Variants in ZNF532 observed in about 807,000 individuals in gnomAD.
ZNF532 encodes the protein zinc finger protein 532.
A neutral mutation model predicts 89.3 loss-of-function variants in ZNF532; 22 were observed. The ratio of observed to expected loss-of-function variants is 0.25; its 90% confidence interval spans 0.18 to 0.35. ZNF532 has a LOEUF of 0.35. ZNF532 is among the 10% of genes least tolerant of loss of function. The pLI is 1.00. For synonymous variants in ZNF532, 606 were observed against 649.6 expected (o/e 0.93, Z 1.02); for missense variants, 1,132 against 1,643.4 (o/e 0.69, Z 5.38).
chr18:58,948,254 T>G, intron 6 of ZNF532, 25 bp downstream of exon 6: 2 of 1,578,662 alleles, frequency 1.3e-6, no homozygotes, highest in Non-Finnish European at 1.7e-6. Flanking sequence ...ATCCTCTACT[T>G]TAAATGAATT....
At position 58,985,347 on chromosome 18, in the gene ZNF532, T is replaced by TTAAC. The variant is rs4058073; in HGVS notation, c.*888_*891dup. 13 of 152,668 alleles carry TTAAC rather than the reference T, an allele frequency of 8.5e-5. No homozygotes were observed. Among genetic ancestry groups the TTAAC allele is most frequent in the South Asian group, 4.1e-4 (2 of 4,834 alleles). The allele number at this position is 152,668 out of a possible 1,614,324, so 9.5% of individuals were successfully genotyped here. On this transcript the variant is annotated 3_prime_UTR_variant, in exon 10 of 10. Transcript: ENST00000591808. ...AGTCAGGTTTTTGTCATGTAATTTA[T>TTAAC]TAACTAACTATTACAGAAACACAGC...
intron 2 of ZNF532, among the ~76,000 whole-genome samples, chr18:58,917,667 G>A (rs374740828): frequency 5.3e-5 from 8 of 150,974 alleles, no homozygotes; most frequent in African/African-American, 1.7e-4. Context: ...GGGAAAATTA[G>A]GGTTAAATAA....
chr18:58,876,695 A>G (rs1568218094), intron 2 of ZNF532, among the ~76,000 whole-genome samples: 1 of 152,208 alleles, frequency 6.6e-6, no homozygotes, highest in East Asian at 1.9e-4. Flanking sequence ...TTGTGATTGC[A>G]TCCAGGAGAT....
At chr18:58,905,259 T>C (rs1461510128) in intron 2 of ZNF532, among the ~76,000 whole-genome samples, 2 of 152,222 alleles carry the variant, frequency 1.3e-5, no homozygotes, top group Non-Finnish European at 2.9e-5. Context: ...TATCCAGAGC[T>C]GTTAAACACT....
chr18:58,873,592 G>T (rs1209615311), intron 2 of ZNF532, among the ~76,000 whole-genome samples: 1 of 152,050 alleles, frequency 6.6e-6, no homozygotes, highest in East Asian at 1.9e-4. Context: ...GGTATTAAAG[G>T]CGCCTGCCAC....
intron 2 of ZNF532, among the ~76,000 whole-genome samples, chr18:58,873,829 A>G (rs1200053980): frequency 6.6e-6 from 1 of 152,108 alleles, no homozygotes; most frequent in East Asian, 1.9e-4. Context: ...GGCCACGGAG[A>G]TTTTCACTTG....
chr18:58,983,821 G>C (rs1380544419), intron 9 of ZNF532, 151 bp from the exon 10 acceptor site: 2 of 893,078 alleles, frequency 2.2e-6, no homozygotes, highest in Non-Finnish European at 1.7e-6. Context: ...TGGGCCTCCG[G>C]GTGGGGTGGC....
At chr18:58,910,774 C>G (rs1036171846) in intron 2 of ZNF532, among the ~76,000 whole-genome samples, 4 of 152,114 alleles carry the variant, frequency 2.6e-5, no homozygotes, top group Non-Finnish European at 5.9e-5. Context: ...CGCACCTGGC[C>G]TGAAATTCTC....
At chr18:58,939,273 A>C (rs1006112274) in intron 4 of ZNF532, among the ~76,000 whole-genome samples, 172 bp from the exon 5 acceptor site, 1 of 150,116 alleles carries the variant, frequency 6.7e-6, no homozygotes, top group East Asian at 1.9e-4. Context: ...AAAAAAAAAA[A>C]AACCCATAAA....
intron 7 of ZNF532, among the ~76,000 whole-genome samples, chr18:58,960,202 C>G (rs890856708): frequency 2.0e-5 from 3 of 152,074 alleles, no homozygotes; most frequent in Non-Finnish European, 4.4e-5. Context: ...AGCCACTGCG[C>G]CTGGCCTGCT....
chr18:58,906,406 G>A (rs2059938380), intron 2 of ZNF532, among the ~76,000 whole-genome samples: 1 of 152,062 alleles, frequency 6.6e-6, no homozygotes, highest in Non-Finnish European at 1.5e-5. Context: ...CCTTTGACAC[G>A]CCCCATCAGT....
intron 2 of ZNF532, among the ~76,000 whole-genome samples, chr18:58,868,546 T>C (rs2056689112): frequency 6.6e-6 from 1 of 152,194 alleles, no homozygotes; most frequent in African/African-American, 2.4e-5. Flanking sequence ...TCCTAGAGTT[T>C]GGGCTTTCTA....
intron 2 of ZNF532, among the ~76,000 whole-genome samples, chr18:58,898,522 C>T: frequency 6.6e-6 from 1 of 152,228 alleles, no homozygotes; most frequent in Non-Finnish European, 1.5e-5. Flanking sequence ...AGCCTACTCT[C>T]CCTGAAGACC....
At chr18:58,946,254 A>G (rs890652278) in intron 5 of ZNF532, among the ~76,000 whole-genome samples, 2 of 150,062 alleles carry the variant, frequency 1.3e-5, no homozygotes, top group Non-Finnish European at 3.0e-5. Flanking sequence ...TGCCATTGGT[A>G]TAGGTCTGTG....
rs78522264 is a variant in ZNF532 at position 58,869,388 on chromosome 18, C to T, written c.-18+3809C>T. The stretch of plus-strand genomic sequence containing the variant: ...TAACCCTGAACTAATCAGAATTAGC[C>T]AAAAGTGGAAACAGAAAACTGCAAG... On this transcript the variant is annotated intron_variant, in intron 2 of 9. Coordinates refer to ENST00000591808, the MANE Select transcript of ZNF532 (RefSeq NM_001375912.1). Among the ~76,000 whole-genome samples, 7 of 152,262 alleles carry T rather than the reference C, an allele frequency of 4.6e-5. No homozygotes were observed. The East Asian group carries it at 1.3e-3, about 29-fold the overall frequency.
intron 2 of ZNF532, among the ~76,000 whole-genome samples, chr18:58,905,886 G>C (rs1044478843): frequency 6.6e-6 from 1 of 152,026 alleles, no homozygotes; most frequent in Non-Finnish European, 1.5e-5. Flanking sequence ...CCTTGTTTTC[G>C]ATGACCTTGA....
At chr18:58,917,872 T>G (rs367698669) in intron 2 of ZNF532, among the ~76,000 whole-genome samples, 42 of 152,308 alleles carry the variant, frequency 2.8e-4, no homozygotes, top group African/African-American at 9.6e-4. Flanking sequence ...GTGACGATGA[T>G]AGTGATAATT....
chr18:58,951,506 A>G (rs28483181), intron 6 of ZNF532, among the ~76,000 whole-genome samples: 4,516 of 152,228 alleles, frequency 0.03, 233 homozygotes, highest in African/African-American at 0.1. Context: ...ACAAAGAGCA[A>G]TGAAACACAG....
At chr18:58,968,429 C>T (rs1242168064) in intron 7 of ZNF532, among the ~76,000 whole-genome samples, 1 of 152,248 alleles carries the variant, frequency 6.6e-6, no homozygotes, top group Non-Finnish European at 1.5e-5. Flanking sequence ...TTACCCCTCT[C>T]TTCCTTTTGG....
Sources: allele counts gnomAD v4.1 joint callset (sites outside exome capture counted in the v4.1 genomes callset), GRCh38; gene constraint gnomAD v4.1.1; transcripts MANE v1.5; gene names NCBI Gene and HGNC (gene_info 2026-07-23, HGNC 2026-07-21).